The following CARMIL1 variants were observed in gnomAD, a reference collection of about 807,000 sequenced individuals.
The protein encoded by CARMIL1 is F-actin-uncapping protein LRRC16A.
Under a neutral mutation model 177.1 loss-of-function variants are expected in CARMIL1, and 90 were observed. The ratio of observed to expected loss-of-function variants is 0.51; its 90% CI spans 0.43 to 0.61. CARMIL1 has a LOEUF of 0.61. CARMIL1 is among the 20% of genes least tolerant of loss of function. The pLI is 0.00. For missense variants in CARMIL1, 1,380 were observed against 1,667.0 expected (o/e 0.83, Z 3.00); for synonymous variants, 577 against 606.2 (o/e 0.95, Z 0.71).
At position 25,284,901 on chromosome 6, in the gene CARMIL1, A is replaced by G. The variant is rs906712840; in HGVS notation, c.130A>G (p.Lys44Glu). The change falls in exon 2 of 37, where the codon AAA (lysine) becomes GAA (glutamate). Residue 44 changes from lysine (K) to glutamate (E), a missense_variant. Physicochemically the swap from Lys to Glu is moderately conservative, Grantham distance 56. Transcript: ENST00000329474. Reference sequence around the variant, plus strand: ...AGTTAAGGGAGACAAAGTTGAAAACAAAGTGCTGGTAAGTATTGCTGTTTA... The same window carrying G: ...AGTTAAGGGAGACAAAGTTGAAAACGAAGTGCTGGTAAGTATTGCTGTTTA... ...LEVKGDKVEN[K>E]VLVLTSCRAF... is the part of the protein sequence containing the mutation. The G allele has an allele frequency of 6.4e-7, 1 of 1,552,336 alleles. No homozygotes were observed. The highest frequency in any genetic ancestry group is 8.8e-7 in the Non-Finnish European group (1 of 1,141,622).
chr6:25,535,175 A>T (rs1808163546), intron 24 of CARMIL1, among the ~76,000 whole-genome samples: 1 of 151,746 alleles, frequency 6.6e-6, no homozygotes, highest in Non-Finnish European at 1.5e-5. Context: ...TTTCCAGTCC[A>T]CTCTTAGTTA....
chr6:25,563,412 G>C, intron 29 of CARMIL1: 1 of 985,214 alleles, frequency 1.0e-6, no homozygotes, highest in Non-Finnish European at 1.2e-6. Flanking sequence ...ATTCTTGTCT[G>C]TATATATGTA....
intron 2 of CARMIL1, among the ~76,000 whole-genome samples, chr6:25,396,451 T>C (rs1347780692): frequency 6.6e-6 from 1 of 151,368 alleles, no homozygotes; most frequent in African/African-American, 2.4e-5. Context: ...AACCTCTGGC[T>C]TCTGGGTTCA....
chr6:25,529,885 A>G (rs367692904), intron 24 of CARMIL1, among the ~76,000 whole-genome samples: 1 of 152,150 alleles, frequency 6.6e-6, no homozygotes, highest in Non-Finnish European at 1.5e-5. Flanking sequence ...ACTGATGGAC[A>G]CAAACTAAGC....
intron 1 of CARMIL1, among the ~76,000 whole-genome samples, chr6:25,281,123 C>CGT (rs772349175): frequency 0.4 from 47,381 of 118,672 alleles, 9,623 homozygotes; most frequent in East Asian, 0.58. Context: ...GACGCACGCG[C>CGT]GTGTGCGCGC....
intron 9 of CARMIL1, 121 bp downstream of exon 9, chr6:25,466,069 A>G: frequency 1.5e-6 from 1 of 670,868 alleles, no homozygotes. Context: ...TTATTTCTTG[A>G]GGAGGTATTT....
In CARMIL1 at chr6:25,481,398, A is replaced by G. The variant is rs557079198; in HGVS notation, c.875-859A>G. On this transcript the variant is annotated intron_variant, in intron 11 of 36. Coordinates refer to ENST00000329474, the MANE Select transcript of CARMIL1 (RefSeq NM_017640.6). Reference sequence around the variant, plus strand: ...TAAGATTTGTAGATAATTTGGGGTTATATAAGGGCAGCAACCAGCACAGTA... The same window carrying G: ...TAAGATTTGTAGATAATTTGGGGTTGTATAAGGGCAGCAACCAGCACAGTA... 1.9e-4 allele frequency among the ~76,000 whole-genome samples: 29 copies of G among 152,314 alleles called. No individual in the cohort carries two copies. The South Asian group carries it at 5.8e-3, about 30-fold the overall frequency.
intron 5 of CARMIL1, among the ~76,000 whole-genome samples, chr6:25,447,210 C>T (rs1051286463): frequency 2.6e-5 from 4 of 152,220 alleles, no homozygotes; most frequent in African/African-American, 9.6e-5. Context: ...GAGTATAATA[C>T]AATAAAATGA....
intron 9 of CARMIL1, among the ~76,000 whole-genome samples, chr6:25,470,721 C>T (rs1192374236): frequency 6.6e-6 from 1 of 152,076 alleles, no homozygotes; most frequent in Non-Finnish European, 1.5e-5. Flanking sequence ...ACAGGTGGTG[C>T]CTTTTAGCTG....
chr6:25,523,226 G>A (rs1806748390), intron 23 of CARMIL1, among the ~76,000 whole-genome samples: 2 of 152,010 alleles, frequency 1.3e-5, no homozygotes, highest in African/African-American at 2.4e-5. Flanking sequence ...AATTAAACTC[G>A]TCCCATAACC....
intron 23 of CARMIL1, among the ~76,000 whole-genome samples, chr6:25,521,554 G>C (rs552070136): frequency 3.3e-5 from 5 of 152,262 alleles, no homozygotes; most frequent in Admixed American, 1.3e-4. Flanking sequence ...CGGATCATGA[G>C]GTCAGGAGAT....
chr6:25,459,746 A>G (rs1799975079), intron 8 of CARMIL1, among the ~76,000 whole-genome samples: 1 of 152,114 alleles, frequency 6.6e-6, no homozygotes, highest in Admixed American at 6.6e-5. Context: ...CTTCTCCTCA[A>G]GGTTTGTAGT....
chr6:25,548,956 G>A (rs967757486), intron 26 of CARMIL1, among the ~76,000 whole-genome samples: 3 of 152,148 alleles, frequency 2.0e-5, no homozygotes, highest in Non-Finnish European at 2.9e-5. Flanking sequence ...AACCCTGGAT[G>A]AAGTTACTTT....
intron 23 of CARMIL1, among the ~76,000 whole-genome samples, chr6:25,525,631 A>C (rs1376969547): frequency 6.6e-6 from 1 of 152,222 alleles, no homozygotes; most frequent in South Asian, 2.1e-4. Flanking sequence ...TTTCAGAATA[A>C]TGATAACCAC....
At chr6:25,458,629 A>G (rs951339559) in intron 8 of CARMIL1, among the ~76,000 whole-genome samples, 1 of 151,958 alleles carries the variant, frequency 6.6e-6, no homozygotes, top group African/African-American at 2.4e-5. Context: ...ACCTCTGTAG[A>G]GTATGAAGAT....
chr6:25,484,337 G>A (rs1425320246), intron 12 of CARMIL1, among the ~76,000 whole-genome samples: 1 of 152,190 alleles, frequency 6.6e-6, no homozygotes. Context: ...TTATATCCAT[G>A]CCATCATACA....
At chr6:25,527,506 A>G in intron 23 of CARMIL1, 1 of 295,422 alleles carries the variant, frequency 3.4e-6, no homozygotes, top group Non-Finnish European at 6.6e-6. Flanking sequence ...AAGGACCGGA[A>G]GCTGGGTGGT....
intron 2 of CARMIL1, among the ~76,000 whole-genome samples, chr6:25,387,597 A>T (rs72830731): frequency 0.1 from 15,223 of 152,276 alleles, 811 homozygotes; most frequent in Non-Finnish European, 0.13. Context: ...TCTTTTGAAG[A>T]TGCAGAATTT....
chr6:25,435,992 G>A (rs549565413), intron 5 of CARMIL1, among the ~76,000 whole-genome samples: 63 of 152,314 alleles, frequency 4.1e-4, no homozygotes, highest in Admixed American at 2.2e-3. Flanking sequence ...GAGAGAGACA[G>A]TGCTTTATTT....
Sources: gnomAD v4.1 joint callset for allele counts (sites outside exome capture counted in the v4.1 genomes callset) on GRCh38, gnomAD v4.1.1 for gene constraint, MANE v1.5 for transcripts, NCBI Gene and HGNC (gene_info 2026-07-23, HGNC 2026-07-21) for gene names.